Variants in SDK2 observed in about 807,000 individuals in gnomAD.
SDK2 encodes the protein protein sidekick-2.
SDK2 carries 105 observed loss-of-function variants against 253.9 expected under a neutral mutation model. That is an observed-to-expected ratio of 0.41 (90% CI 0.35 to 0.49). The LOEUF is 0.49. Ranked by LOEUF, SDK2 falls within the 20% of genes least tolerant of loss-of-function variation. The probability of loss-of-function intolerance (pLI) is 0.06; values close to 1 mark genes in which losing one functional copy is unlikely to be tolerated. For missense variants in SDK2, 2,608 were observed against 3,003.0 expected (o/e 0.87, Z 3.07); for synonymous variants, 1,249 against 1,234.9 (o/e 1.01, Z -0.24).
chr17:73,534,091 C>T lies in SDK2; in HGVS notation c.65-26494G>A, dbSNP rs981966403. On this transcript the variant is annotated intron_variant, in intron 1 of 44. Coordinates refer to ENST00000392650, the MANE Select transcript of SDK2 (RefSeq NM_001144952.2). This position sits in a 1 kb window ranked among gnomAD's most constrained non-coding sequence, Gnocchi z 4.9. The stretch of plus-strand genomic sequence containing the variant: ...TTCCCCGCCTCCTCCCCTCCTCTTC[C>T]TCCTCCTCCTTCCCACTCTCCTTCC... 1.4e-4 allele frequency among the ~76,000 whole-genome samples: 22 copies of T among 152,172 alleles called. No individual in the cohort carries two copies. Among genetic ancestry groups the T allele is most frequent in the Admixed American group, 1.0e-3 (16 of 15,284 alleles).
At chr17:73,550,551 C>T (rs1310292640) in intron 1 of SDK2, among the ~76,000 whole-genome samples, 1 of 151,842 alleles carries the variant, frequency 6.6e-6, no homozygotes, top group Non-Finnish European at 1.5e-5. Flanking sequence ...GCAGGAGGGA[C>T]CCAAGGAAGC....
intron 36 of SDK2, among the ~76,000 whole-genome samples, chr17:73,376,591 T>C (rs1425296587): frequency 2.0e-5 from 3 of 152,106 alleles, no homozygotes; most frequent in African/African-American, 7.2e-5. Context: ...CAGGTACGGG[T>C]CATGTTTTCT....
intron 1 of SDK2, among the ~76,000 whole-genome samples, chr17:73,565,463 G>A (rs2045298348): frequency 6.6e-6 from 1 of 152,128 alleles, no homozygotes; most frequent in South Asian, 2.1e-4. Flanking sequence ...TGAAGAAACA[G>A]GAAAATGTGA....
At chr17:73,499,184 C>T (rs987407868) in intron 2 of SDK2, among the ~76,000 whole-genome samples, 2 of 152,216 alleles carry the variant, frequency 1.3e-5, no homozygotes, top group East Asian at 1.9e-4. Flanking sequence ...GAGATAAAGC[C>T]GCTGGCCTGG....
chr17:73,402,661 C>G (rs999274619), intron 18 of SDK2, among the ~76,000 whole-genome samples: 2 of 152,160 alleles, frequency 1.3e-5, no homozygotes. Context: ...TGGAGTACAG[C>G]GGCATGATCA....
chr17:73,505,018 C>A (rs970103594), intron 2 of SDK2, among the ~76,000 whole-genome samples: 3 of 151,684 alleles, frequency 2.0e-5, no homozygotes, highest in African/African-American at 7.3e-5. Context: ...CTCTTAGGGG[C>A]GAGGAGGTAA....
At chr17:73,400,505 G>A (rs1295019184) in intron 21 of SDK2, among the ~76,000 whole-genome samples, 1 of 152,166 alleles carries the variant, frequency 6.6e-6, no homozygotes, top group Non-Finnish European at 1.5e-5. Context: ...AGCTGTGGGA[G>A]GATGCAGCAG....
intron 44 of SDK2, among the ~76,000 whole-genome samples, chr17:73,348,156 C>T (rs1014809353): frequency 2.6e-5 from 4 of 152,222 alleles, no homozygotes; most frequent in East Asian, 3.8e-4. Context: ...CTCCAGGGCA[C>T]CCAGCCCTTT....
intron 18 of SDK2, among the ~76,000 whole-genome samples, chr17:73,407,432 G>A (rs1215629942): frequency 1.3e-5 from 2 of 152,056 alleles, no homozygotes; most frequent in African/African-American, 4.8e-5. Context: ...GTAATGGATT[G>A]AAACATGTCA....
chr17:73,516,788 T>C (rs1599640860), intron 1 of SDK2: 1 of 152,424 alleles, frequency 6.6e-6, no homozygotes, highest in Non-Finnish European at 1.5e-5. Flanking sequence ...CAGCTGTTCC[T>C]GAATGGATTT....
intron 8 of SDK2, among the ~76,000 whole-genome samples, chr17:73,436,200 C>A (rs1313424184): frequency 6.6e-6 from 1 of 152,166 alleles, no homozygotes; most frequent in African/African-American, 2.4e-5. Context: ...CACTTGGAAG[C>A]CCCCCATACC....
rs771220422 is a variant in SDK2, at chr17:73,368,463, T to C, written c.5111A>G (p.Asn1704Ser). Residue 1704 changes from asparagine (N) to serine (S), a missense_variant, in exon 37 of 45, where the codon AAC (asparagine) becomes AGC (serine). By Grantham distance (46) the Asn-to-Ser change is conservative (BLOSUM62 1). Coordinates refer to ENST00000392650, the MANE Select transcript of SDK2 (RefSeq NM_001144952.2). ...GCTCCGAGGCCCATCCCCAGCGGCGTTGAAGGCGGCCACGCTGACCATGTA... is the reference window on the plus strand; with the variant it reads ...GCTCCGAGGCCCATCCCCAGCGGCGCTGAAGGCGGCCACGCTGACCATGTA... ...TAYMVSVAAF[N>S]AAGDGPRSTP... 5.6e-6 allele frequency: 9 copies of C among 1,606,740 alleles called. No individual in the cohort carries two copies. The highest frequency in any genetic ancestry group is 2.7e-5 in the African/African-American group (2 of 74,718).
chr17:73,454,763 G>T (rs528550791), intron 4 of SDK2, among the ~76,000 whole-genome samples: 6 of 152,264 alleles, frequency 3.9e-5, no homozygotes, highest in African/African-American at 1.2e-4. Flanking sequence ...GAGTGCAGTG[G>T]CCCGATCTCG....
chr17:73,628,580 T>C (rs1421231802), intron 1 of SDK2, among the ~76,000 whole-genome samples: 1 of 152,138 alleles, frequency 6.6e-6, no homozygotes, highest in Non-Finnish European at 1.5e-5. Context: ...CTTGAGTGTC[T>C]GGGGCTGGTG....
chr17:73,543,376 G>A (rs987330778), intron 1 of SDK2, among the ~76,000 whole-genome samples: 7 of 152,148 alleles, frequency 4.6e-5, no homozygotes, highest in Non-Finnish European at 7.3e-5. Flanking sequence ...GTGCCATGCC[G>A]CTCATATCCC....
chr17:73,507,636 G>C, intron 1 of SDK2, 39 bp from the exon 2 acceptor site: 1 of 1,542,086 alleles, frequency 6.5e-7, no homozygotes, highest in South Asian at 1.2e-5. Context: ...GTGATCACTT[G>C]CTCACCTATG....
intron 1 of SDK2, among the ~76,000 whole-genome samples, chr17:73,572,582 G>A (rs143040849): frequency 2.8e-4 from 43 of 151,964 alleles, no homozygotes; most frequent in African/African-American, 8.0e-4. Flanking sequence ...TTTGCTTATC[G>A]CCTTCCTATT....
At position 73,435,792 on chromosome 17, in the gene SDK2, T is replaced by G; in HGVS notation, c.1001-148A>C. On this transcript the variant is annotated intron_variant, in intron 8 of 44. Transcript: ENST00000392650. The surrounding 1 kb of genome is among the most constrained non-coding windows in gnomAD (Gnocchi z 5.7). ...TAGAACCTTCTCAGAGGTGCCACTT[T>G]GGGTCTAGGGAGAGGAGGAAGATGC... 1.5e-6 allele frequency: 1 copy of G among 658,120 alleles called. No homozygotes were observed. The highest frequency in any genetic ancestry group is 2.5e-6 in the Non-Finnish European group (1 of 395,584). The allele number at this position is 658,120 out of a possible 1,614,324, so 40.8% of individuals were successfully genotyped here. A position where few individuals can be genotyped will look rare whatever the true frequency, so the allele number is the denominator to read the frequency against.
At chr17:73,515,724 G>A (rs1423982573) in intron 1 of SDK2, among the ~76,000 whole-genome samples, 1 of 152,264 alleles carries the variant, frequency 6.6e-6, no homozygotes, top group Non-Finnish European at 1.5e-5. Context: ...TGCTCCCGAG[G>A]AACCACCTTT....
Sources: allele counts gnomAD v4.1 joint callset (sites outside exome capture counted in the v4.1 genomes callset), GRCh38; gene constraint gnomAD v4.1.1; non-coding constraint Gnocchi (gnomAD v3.1); transcripts MANE v1.5; gene names NCBI Gene and HGNC (gene_info 2026-07-23, HGNC 2026-07-21).